Variants in ONECUT3 observed in about 807,000 individuals in gnomAD.
ONECUT3 encodes the protein one cut homeobox 3.
A neutral mutation model predicts 16.8 loss-of-function variants in ONECUT3; 11 were observed. The observed-to-expected ratio is 0.66, with a 90% CI of 0.41 to 1.09. The LOEUF (loss-of-function observed/expected upper bound fraction) is 1.09, where lower values mean the gene tolerates loss of function less well. Ranked by LOEUF, ONECUT3 falls within the 50% of genes least tolerant of loss-of-function variation. The pLI is 0.00. For missense variants in ONECUT3, 637 were observed against 629.9 expected, an observed-to-expected ratio of 1.01 and a Z score of -0.12; for synonymous variants, 344 against 310.7, an observed-to-expected ratio of 1.11 and a Z score of -1.13.
At chr19:1,756,631 G>C (rs1408567536) in intron 1 of ONECUT3, among the ~76,000 whole-genome samples, 1 of 151,298 alleles carries the variant, frequency 6.6e-6, no homozygotes, top group Non-Finnish European at 1.5e-5. Context: ...CCAGGTTCAA[G>C]CGATTCTTCC....
At chr19:1,768,409 C>T (rs375563486) in intron 1 of ONECUT3, among the ~76,000 whole-genome samples, 1 of 151,992 alleles carries the variant, frequency 6.6e-6, no homozygotes. Flanking sequence ...GAGAGGGAAG[C>T]GGCTGGAAGA....
chr19:1,753,780 G>A lies in ONECUT3; in HGVS notation c.118G>A (p.Ala40Thr). The change falls in exon 1 of 2, where the codon GCG becomes ACG. Residue 40 changes from alanine (A) to threonine (T), a missense_variant. Physicochemically the swap from Ala to Thr is moderately conservative, Grantham distance 58. This residue lies in a region of ONECUT3 where 419 missense variants were observed against 377.9 expected (regional missense o/e 1.11). Coordinates refer to ENST00000382349, the MANE Select transcript of ONECUT3 (RefSeq NM_001080488.2). Reference sequence around the variant, plus strand: ...GGCGGCGCAGCACCGCGGCCTGGTGGCGCCCGGGCGCCCGGGCCTGGTGGC... The same window carrying A: ...GGCGGCGCAGCACCGCGGCCTGGTGACGCCCGGGCGCCCGGGCCTGGTGGC... ...SAAAQHRGLV[A>T]PGRPGLVAGM... 1.0e-6 allele frequency: 1 copy of A among 972,352 alleles called. No individual in the cohort carries two copies. The highest frequency in any genetic ancestry group is 1.2e-6 in the Non-Finnish European group (1 of 819,640). 60.2% of individuals were successfully genotyped at this position (972,352 alleles called of 1,614,324 possible). A position where few individuals can be genotyped will look rare whatever the true frequency, so the allele number is the denominator to read the frequency against.
rs557452008 is a variant in ONECUT3 at position 1,775,736 on chromosome 19, T to G, written c.*291T>G. On this transcript the variant is annotated 3_prime_UTR_variant, in exon 2 of 2. Transcript: ENST00000382349. ...AAGGGGTTTCCCAGCCCCCTCTCCA[T>G]TCAGGACGCCCAGAGGGCCTCGAGA... The G allele has an allele frequency of 2.8e-5, 8 of 285,184 alleles. No individual in the cohort carries two copies. Among genetic ancestry groups the G allele is most frequent in the East Asian group, 7.7e-5 (1 of 12,908 alleles). The allele number at this position is 285,184 out of a possible 1,614,324, so 17.7% of individuals were successfully genotyped here. A position where few individuals can be genotyped will look rare whatever the true frequency, so the allele number is the denominator to read the frequency against.
chr19:1,772,860 A>ATTTTT (rs759006591), intron 1 of ONECUT3, among the ~76,000 whole-genome samples: 1 of 107,234 alleles, frequency 9.3e-6, no homozygotes, highest in Non-Finnish European at 1.8e-5. Context: ...CGTCCAGCTA[A>ATTTTT]TTTTTTTTTT....
rs186008052 is a variant in ONECUT3 at position 1,758,192 on chromosome 19, G to A, written c.1192+3338G>A. Among the ~76,000 whole-genome samples the A allele has an allele frequency of 1.3e-3, 193 of 152,114 alleles. No individual in the cohort carries two copies. Among genetic ancestry groups the A allele is most frequent in the African/African-American group, 4.4e-3 (184 of 41,498 alleles). ...GGAGGGGTCGCGAGACAAAACCAGA[G>A]AGTGGGGAGGGAGAGACCGGGAGCG... On this transcript the variant is annotated intron_variant, in intron 1 of 1. Transcript: ENST00000382349. The surrounding 1 kb of genome is among the most constrained non-coding windows in gnomAD (Gnocchi z 5.9).
At position 1,766,683 on chromosome 19, in the gene ONECUT3, T is replaced by C; in HGVS notation, c.1193-8470T>C. Among the ~76,000 whole-genome samples, 1 of 151,646 alleles carries C rather than the reference T, an allele frequency of 6.6e-6. No individual in the cohort carries two copies. ...AGCTTGGGTTGCAGCAATGACTGAA[T>C]TCAGGGCCCCTACTCAGCTACTGGC... On this transcript the variant is annotated intron_variant, in intron 1 of 1. Transcript: ENST00000382349. The surrounding 1 kb of genome is among the most constrained non-coding windows in gnomAD (Gnocchi z 4.0).
In ONECUT3 at chr19:1,754,210, A is replaced by G; in HGVS notation, c.548A>G (p.His183Arg). ...CGGGCGGCGCTCGCCTCCGTGGGCC[A>G]CCTCTACGGACCCTACGGCAAGGAG... ...DERAALASVGHLYGPYGKELP... is the reference protein window; with the variant it reads ...DERAALASVGRLYGPYGKELP... Residue 183 changes from histidine to arginine, a missense_variant, in exon 1 of 2, where the codon CAC becomes CGC. His to Arg is a conservative substitution (Grantham distance 29, BLOSUM62 0). Coordinates refer to ENST00000382349, the MANE Select transcript of ONECUT3 (RefSeq NM_001080488.2). The surrounding 1 kb of genome is among the most constrained non-coding windows in gnomAD (Gnocchi z 7.4). 2.7e-6 allele frequency: 3 copies of G among 1,100,588 alleles called. No homozygotes were observed. Among genetic ancestry groups the G allele is most frequent in the Non-Finnish European group, 3.3e-6 (3 of 898,712 alleles). 68.2% of individuals were successfully genotyped at this position (1,100,588 alleles called of 1,614,324 possible).
Position 1,754,553 on chromosome 19 carries a change from G to A in ONECUT3, c.891G>A (p.Gly297=). 1 of 998,968 alleles carries A rather than the reference G, an allele frequency of 1.0e-6. No homozygotes were observed. The highest frequency in any genetic ancestry group is 4.5e-5 in the South Asian group (1 of 22,212). The allele number at this position is 998,968 out of a possible 1,614,324, so 61.9% of individuals were successfully genotyped here. The change falls in exon 1 of 2, where the codon GGG becomes GGA. Residue 297 remains glycine (G), a synonymous_variant. Coordinates refer to ENST00000382349, the MANE Select transcript of ONECUT3 (RefSeq NM_001080488.2). This position sits in a 1 kb window ranked among gnomAD's most constrained non-coding sequence, Gnocchi z 7.4. The stretch of plus-strand genomic sequence containing the variant: ...GGCTGGCGGCGGCCGGGGCGCACGG[G>A]CCGCACGGGGGAGGCGGCGGCCCCG... The part of the protein sequence containing the change: ...LGGLAAAGAH[G]PHGGGGGPGG...
Position 1,766,389 on chromosome 19 carries a change from C to T in ONECUT3, c.1193-8764C>T, listed in dbSNP as rs971207173. Among the ~76,000 whole-genome samples the T allele has an allele frequency of 6.6e-6, 1 of 150,702 alleles. No homozygotes were observed. The highest frequency in any genetic ancestry group is 2.4e-5 in the African/African-American group (1 of 41,330). On this transcript the variant is annotated intron_variant, in intron 1 of 1. Coordinates refer to ENST00000382349, the MANE Select transcript of ONECUT3 (RefSeq NM_001080488.2). The surrounding 1 kb of genome is among the most constrained non-coding windows in gnomAD (Gnocchi z 4.0). ...CGGATGCTGCATCCTGAAGCCCTCC[C>T]TGTTACAAGCCCAGCCCCTCCAAAG...
chr19:1,762,479 T>C lies in ONECUT3; in HGVS notation c.1192+7625T>C, dbSNP rs570024884. ...GGGGATGACTGTGCCTCAGTTTCCA[T>C]CACCCAGCAAACGCCGTCCCGCAGC... is the stretch of plus-strand genomic sequence containing the variant. On this transcript the variant is annotated intron_variant, in intron 1 of 1. Coordinates refer to ENST00000382349, the MANE Select transcript of ONECUT3 (RefSeq NM_001080488.2). The surrounding 1 kb of genome is among the most constrained non-coding windows in gnomAD (Gnocchi z 4.4). 3.2e-3 allele frequency among the ~76,000 whole-genome samples: 490 copies of C among 152,336 alleles called. 3 individuals are homozygous for C. The highest frequency in any genetic ancestry group is 4.1e-3 in the Non-Finnish European group (280 of 68,014).
chr19:1,757,841 A>G (rs1224254891), intron 1 of ONECUT3, among the ~76,000 whole-genome samples: 2 of 151,928 alleles, frequency 1.3e-5, no homozygotes, highest in South Asian at 2.1e-4. Context: ...CGACGCCCCA[A>G]CGCTGGTGCT....
chr19:1,767,979 G>A (rs896199410), intron 1 of ONECUT3, among the ~76,000 whole-genome samples: 9 of 152,042 alleles, frequency 5.9e-5, no homozygotes. Context: ...ATAACCGTTG[G>A]GGAGATGGGA....
At chr19:1,769,036 G>A (rs2068026756) in intron 1 of ONECUT3, among the ~76,000 whole-genome samples, 1 of 148,000 alleles carries the variant, frequency 6.8e-6, no homozygotes, top group Admixed American at 6.8e-5. Context: ...AGGTGGAGGT[G>A]ACGGTGGAGG....
chr19:1,760,632 C>G (rs759915908), intron 1 of ONECUT3, among the ~76,000 whole-genome samples: 1 of 151,634 alleles, frequency 6.6e-6, no homozygotes, highest in South Asian at 2.1e-4. Context: ...GGGAGACCAC[C>G]GGAGACTCCC....
At position 1,780,307 on chromosome 19, in the gene ONECUT3, C is replaced by A. The variant is rs552759319; in HGVS notation, c.*4862C>A. On this transcript the variant is annotated 3_prime_UTR_variant, in exon 2 of 2. Coordinates refer to ENST00000382349, the MANE Select transcript of ONECUT3 (RefSeq NM_001080488.2). ...CCTCCCTCCCAGCCCACTTTCGGAG[C>A]CTACAGAACAGAGGACTCCCCAAAA... 1 of 152,270 alleles carries A rather than the reference C, an allele frequency of 6.6e-6. No individual in the cohort carries two copies. Among genetic ancestry groups the A allele is most frequent in the East Asian group, 1.9e-4 (1 of 5,158 alleles). The allele number at this position is 152,270 out of a possible 1,614,324, so 9.4% of individuals were successfully genotyped here.
intron 1 of ONECUT3, among the ~76,000 whole-genome samples, chr19:1,770,091 A>G (rs2068040238): frequency 6.6e-6 from 1 of 152,146 alleles, no homozygotes; most frequent in Non-Finnish European, 1.5e-5. Context: ...CCTGCCTTGT[A>G]GAATTATTGT....
chr19:1,762,534 C>T lies in ONECUT3; in HGVS notation c.1192+7680C>T, dbSNP rs914870563. On this transcript the variant is annotated intron_variant, in intron 1 of 1. Coordinates refer to ENST00000382349, the MANE Select transcript of ONECUT3 (RefSeq NM_001080488.2). This position sits in a 1 kb window ranked among gnomAD's most constrained non-coding sequence, Gnocchi z 4.4. The stretch of plus-strand genomic sequence containing the variant: ...GGGAAGCTGCGGAGTCGGGCTGGGG[C>T]CGCCGCGTTGCGCACATCGGTCCTT... Among the ~76,000 whole-genome samples, 3 of 152,258 alleles carry T rather than the reference C, an allele frequency of 2.0e-5. No homozygotes were observed. Among genetic ancestry groups the T allele is most frequent in the Admixed American group, 6.5e-5 (1 of 15,292 alleles).
At chr19:1,773,256 C>T (rs570910827) in intron 1 of ONECUT3, among the ~76,000 whole-genome samples, 2 of 150,750 alleles carry the variant, frequency 1.3e-5, no homozygotes, top group Non-Finnish European at 3.0e-5. Flanking sequence ...TGTTCTCCCC[C>T]CTCCTGCCTC....
In ONECUT3 at chr19:1,753,635, A is replaced by AGC. The variant is rs1246204958; in HGVS notation, c.-20_-19dup. The AGC allele has an allele frequency of 1.0e-6, 1 of 956,016 alleles. No homozygotes were observed. Among genetic ancestry groups the AGC allele is most frequent in the Non-Finnish European group, 1.3e-6 (1 of 787,022 alleles). The allele number at this position is 956,016 out of a possible 1,614,324, so 59.2% of individuals were successfully genotyped here. ...TGAGCACTAGGGGCCGGCGCTGAGG[A>AGC]GCGCGCGCGGCGGGAGGGCAGCCGA... On this transcript the variant is annotated 5_prime_UTR_variant, in exon 1 of 2. Coordinates refer to ENST00000382349, the MANE Select transcript of ONECUT3 (RefSeq NM_001080488.2).
Sources: gnomAD v4.1 joint callset for allele counts (sites outside exome capture counted in the v4.1 genomes callset) on GRCh38, gnomAD v4.1.1 for gene constraint, gnomAD v4.1.1 regional missense constraint, Gnocchi (gnomAD v3.1) non-coding constraint, MANE v1.5 for transcripts, NCBI Gene and HGNC (gene_info 2026-07-23, HGNC 2026-07-21) for gene names.